NUP210L: variants seen among roughly 807,000 people sequenced by gnomAD.
NUP210L encodes nuclear pore membrane glycoprotein 210-like.
Under a neutral mutation model 208.5 loss-of-function variants are expected in NUP210L, and 74 were observed. The observed-to-expected ratio is 0.35, with a 90% CI of 0.29 to 0.43. The LOEUF is 0.43. Ranked by LOEUF, NUP210L falls within the 20% of genes least tolerant of loss-of-function variation. NUP210L has a pLI of 1.00. For synonymous variants in NUP210L, 780 were observed against 816.9 expected, an observed-to-expected ratio of 0.95 and a Z score of 0.77; for missense variants, 1,843 against 2,289.4, an observed-to-expected ratio of 0.81 and a Z score of 3.98.
At chr1:154,138,509 A>G (rs1229055225) in intron 5 of NUP210L, among the ~76,000 whole-genome samples, 10 of 152,218 alleles carry the variant, frequency 6.6e-5, no homozygotes, top group Admixed American at 6.5e-4. Flanking sequence ...AAAGTCAAGT[A>G]TGCTGAAATG....
chr1:154,052,374 G>A (rs1653561760), intron 25 of NUP210L, among the ~76,000 whole-genome samples: 1 of 152,130 alleles, frequency 6.6e-6, no homozygotes, highest in African/African-American at 2.4e-5. Context: ...TGTCAAGACT[G>A]ATGCTGAGGA....
intron 8 of NUP210L, among the ~76,000 whole-genome samples, chr1:154,128,782 G>C (rs960680574): frequency 2.6e-5 from 4 of 151,882 alleles, no homozygotes; most frequent in Non-Finnish European, 4.4e-5. Flanking sequence ...GAGAGGCAGA[G>C]GTTGCAGTCA....
intron 12 of NUP210L, among the ~76,000 whole-genome samples, chr1:154,112,390 A>G (rs920584217): frequency 6.6e-6 from 1 of 152,100 alleles, no homozygotes; most frequent in Admixed American, 6.6e-5. Flanking sequence ...TGGGTGACAG[A>G]GCAAGAACTT....
At chr1:154,154,969 A>C (rs1262281551) in exon 1 of NUP210L, 16 of 1,614,030 alleles carry the variant, frequency 9.9e-6, no homozygotes, top group Non-Finnish European at 1.4e-5. Context: ...AGAAACAACA[A>C]CAGGAGGCGG....
Position 154,029,167 on chromosome 1 carries a change from A to G in NUP210L, c.3855+729T>C, listed in dbSNP as rs1652072952. Among the ~76,000 whole-genome samples, 5 of 149,450 alleles carry G rather than the reference A, an allele frequency of 3.3e-5. 1 individual carries two copies. In the South Asian group the frequency reaches 6.4e-4, roughly 19 times the overall value. On this transcript the variant is annotated intron_variant, in intron 28 of 39. Coordinates refer to ENST00000368559, the Ensembl canonical transcript of NUP210L. ...GCTGAGGCGGGCAGATCACGAGGTCAGGAGATCGAGACCATCCTGGCTAAC... is the reference window on the plus strand; with the variant it reads ...GCTGAGGCGGGCAGATCACGAGGTCGGGAGATCGAGACCATCCTGGCTAAC...
chr1:154,012,301 T>C (rs1455877908), exon 34 of NUP210L: 1 of 1,612,820 alleles, frequency 6.2e-7, no homozygotes, highest in Non-Finnish European at 8.5e-7. Context: ...ACAGTTGAAT[T>C]GAGGGTATTG....
At chr1:154,032,472 A>T (rs1652282879) in intron 27 of NUP210L, among the ~76,000 whole-genome samples, 2 of 151,136 alleles carry the variant, frequency 1.3e-5, no homozygotes, top group South Asian at 4.2e-4. Flanking sequence ...GCACCTTTTC[A>T]TATACCTGTT....
intron 27 of NUP210L, among the ~76,000 whole-genome samples, chr1:154,045,181 G>A (rs935561525): frequency 6.6e-6 from 1 of 152,058 alleles, no homozygotes; most frequent in African/African-American, 2.4e-5. Context: ...ACAGCTCCGT[G>A]GTACCCATGG....
intron 35 of NUP210L, among the ~76,000 whole-genome samples, chr1:154,007,064 T>G (rs1289199303): frequency 7.4e-6 from 1 of 135,942 alleles, no homozygotes; most frequent in Non-Finnish European, 1.6e-5. Flanking sequence ...TCTATTTCAA[T>G]CGATTCTCCT....
intron 16 of NUP210L, among the ~76,000 whole-genome samples, chr1:154,071,348 G>A (rs1654716210): frequency 6.6e-6 from 1 of 151,838 alleles, no homozygotes; most frequent in South Asian, 2.1e-4. Context: ...TTGGTTACAA[G>A]TAAGTTCTTT....
intron 2 of NUP210L, among the ~76,000 whole-genome samples, chr1:154,151,885 T>G (rs941084402): frequency 7.2e-5 from 11 of 151,760 alleles, no homozygotes; most frequent in African/African-American, 2.2e-4. Flanking sequence ...GGTCGGGAGT[T>G]TGAGACCAGC....
At chr1:154,089,778 C>A (rs1655811535) in intron 15 of NUP210L, among the ~76,000 whole-genome samples, 184 bp from the exon 16 acceptor site, 2 of 152,012 alleles carry the variant, frequency 1.3e-5, no homozygotes. Flanking sequence ...TTAATAATAT[C>A]ATGAAAATTT....
intron 25 of NUP210L, among the ~76,000 whole-genome samples, chr1:154,051,483 G>A (rs533309889): frequency 6.6e-6 from 1 of 152,192 alleles, no homozygotes; most frequent in Admixed American, 6.5e-5. Context: ...CAAAGTGCCG[G>A]GATTACAGGT....
At chr1:154,015,719 C>A (rs1651197594) in intron 33 of NUP210L, among the ~76,000 whole-genome samples, 1 of 131,698 alleles carries the variant, frequency 7.6e-6, no homozygotes, top group African/African-American at 2.6e-5. Context: ...GACTCTGTCT[C>A]AAAACACACA....
intron 27 of NUP210L, among the ~76,000 whole-genome samples, chr1:154,034,306 G>C (rs375226722): frequency 5.0e-4 from 76 of 152,106 alleles, no homozygotes; most frequent in African/African-American, 1.8e-3. Context: ...GAGACCATTA[G>C]GTCCTGGGCT....
chr1:154,142,555 A>C (rs997522230), intron 3 of NUP210L, among the ~76,000 whole-genome samples: 2 of 152,138 alleles, frequency 1.3e-5, no homozygotes, highest in African/African-American at 4.8e-5. Context: ...TTGTTGATCT[A>C]GGGCCCATCA....
chr1:154,071,595 T>C (rs1394527448), intron 16 of NUP210L, among the ~76,000 whole-genome samples: 1 of 148,662 alleles, frequency 6.7e-6, no homozygotes, highest in Non-Finnish European at 1.5e-5. Flanking sequence ...TCCAATCCCA[T>C]CCAGGTTGCT....
intron 16 of NUP210L, among the ~76,000 whole-genome samples, chr1:154,083,432 T>G (rs148846283): frequency 2.2e-4 from 33 of 152,258 alleles, no homozygotes; most frequent in African/African-American, 7.5e-4. Flanking sequence ...AGCAAATTAA[T>G]TGAACCCAAA....
At chr1:154,012,467 G>T in intron 33 of NUP210L, 97 bp from the exon 34 acceptor site, 3 of 1,163,188 alleles carry the variant, frequency 2.6e-6, no homozygotes, top group South Asian at 1.5e-5. Context: ...AAAAGTATCT[G>T]TTTCACACAA....
Sources: gnomAD v4.1 joint callset for allele counts (sites outside exome capture counted in the v4.1 genomes callset) on GRCh38, gnomAD v4.1.1 for gene constraint, MANE v1.5 for transcripts, NCBI Gene and HGNC (gene_info 2026-07-23, HGNC 2026-07-21) for gene names.